The following TMED3 variants were observed in gnomAD, a reference collection of about 807,000 sequenced individuals.
TMED3 encodes transmembrane p24 trafficking protein 3.
TMED3 carries 9 observed loss-of-function variants against 15.0 expected under a neutral mutation model. That is an observed-to-expected ratio of 0.60 (90% CI 0.36 to 1.04). TMED3 has a LOEUF of 1.04. Among genes scored for constraint, TMED3 ranks in the 50% least tolerant of loss-of-function variants. The pLI, the probability that TMED3 is intolerant of heterozygous loss-of-function variation, is 0.01. For missense variants in TMED3, 267 were observed against 278.9 expected, an observed-to-expected ratio of 0.96 and a Z score of 0.30; for synonymous variants, 117 against 121.4, an observed-to-expected ratio of 0.96 and a Z score of 0.24.
chr15:79,340,800 C>G (rs1420891831), intron 2 of TMED3, among the ~76,000 whole-genome samples: 1 of 152,162 alleles, frequency 6.6e-6, no homozygotes, highest in African/African-American at 2.4e-5. Flanking sequence ...CTTCATGTAT[C>G]CATTCACTAA....
chr15:79,359,192 C>T (rs1036018009), intron 2 of TMED3, among the ~76,000 whole-genome samples: 4 of 150,824 alleles, frequency 2.7e-5, no homozygotes, highest in East Asian at 1.9e-4. Context: ...ATTTGCATAC[C>T]AGAGGAGAGG....
chr15:79,371,571 A>T (rs1542983), intron 2 of TMED3, among the ~76,000 whole-genome samples: 35 of 152,174 alleles, frequency 2.3e-4, no homozygotes, highest in Non-Finnish European at 4.0e-4. Context: ...GTTTTTAAGG[A>T]TACTTTGGTG....
rs182198267 is a variant in TMED3 at position 79,358,885 on chromosome 15, G to A, written c.417+44880G>A. ...GGATAGCAGGGACAGGAGAGCCGTGGCCTGGACAGGGTTCCTGATTCCTCC... is the reference window on the plus strand; with the variant it reads ...GGATAGCAGGGACAGGAGAGCCGTGACCTGGACAGGGTTCCTGATTCCTCC... On this transcript the variant is annotated intron_variant, in intron 2 of 2. Transcript: ENST00000424155. 1.7e-3 allele frequency among the ~76,000 whole-genome samples: 255 copies of A among 152,256 alleles called. 4 individuals carry two copies. Among genetic ancestry groups the A allele is most frequent in the African/African-American group, 5.8e-3 (240 of 41,558 alleles).
intron 2 of TMED3, among the ~76,000 whole-genome samples, chr15:79,375,360 C>T (rs906866640): frequency 1.3e-4 from 20 of 152,142 alleles, no homozygotes; most frequent in Non-Finnish European, 1.5e-5. Context: ...CCAGGGACTT[C>T]CTCTGTGATG....
chr15:79,320,926 G>A (rs1241899397), intron 2 of TMED3, among the ~76,000 whole-genome samples: 1 of 152,204 alleles, frequency 6.6e-6, no homozygotes, highest in East Asian at 1.9e-4. Context: ...TGCTCATTCA[G>A]GTTGTTGGTG....
chr15:79,329,997 T>C (rs1166158643), intron 2 of TMED3, among the ~76,000 whole-genome samples: 6 of 152,238 alleles, frequency 3.9e-5, no homozygotes, highest in Admixed American at 3.9e-4. Context: ...AGGATGGCTA[T>C]TTAGAGATGC....
intron 2 of TMED3, among the ~76,000 whole-genome samples, chr15:79,376,941 A>C (rs1365468274): frequency 2.6e-5 from 4 of 152,092 alleles, no homozygotes; most frequent in Non-Finnish European, 5.9e-5. Context: ...TGGCTCCTTC[A>C]GTCAGTGGGA....
chr15:79,323,798 G>A (rs1386699289), downstream of TMED3, among the ~76,000 whole-genome samples: 23 of 152,108 alleles, frequency 1.5e-4, no homozygotes, highest in Admixed American at 1.0e-3. Flanking sequence ...AGGATTGCTG[G>A]TGATACCTGT....
chr15:79,339,510 A>G (rs901214257), intron 2 of TMED3, among the ~76,000 whole-genome samples: 55 of 152,222 alleles, frequency 3.6e-4, no homozygotes, highest in African/African-American at 1.2e-3. Flanking sequence ...AATCTGTTTC[A>G]TTTGCTGTTG....
chr15:79,392,090 G>A (rs1893703795), intron 2 of TMED3, among the ~76,000 whole-genome samples: 1 of 152,156 alleles, frequency 6.6e-6, no homozygotes, highest in African/African-American at 2.4e-5. Context: ...TGCAATGTTA[G>A]TATTGAGATG....
At chr15:79,317,240 C>T (rs527579289) in intron 2 of TMED3, among the ~76,000 whole-genome samples, 1 of 152,338 alleles carries the variant, frequency 6.6e-6, no homozygotes, top group African/African-American at 2.4e-5. Flanking sequence ...TGGCCTGTGT[C>T]GCTGGATCTA....
intron 2 of TMED3, among the ~76,000 whole-genome samples, chr15:79,375,910 T>C (rs1893415901): frequency 6.6e-6 from 1 of 152,154 alleles, no homozygotes. Flanking sequence ...GTCAGACCTG[T>C]TGTCCTGTCA....
At chr15:79,332,978 G>A (rs2058814863) in intron 2 of TMED3, among the ~76,000 whole-genome samples, 1 of 152,226 alleles carries the variant, frequency 6.6e-6, no homozygotes, top group South Asian at 2.1e-4. Context: ...AATGGCCCCT[G>A]ACTGCCCAGT....
At chr15:79,331,790 T>C (rs1467112222) in intron 2 of TMED3, among the ~76,000 whole-genome samples, 1 of 152,118 alleles carries the variant, frequency 6.6e-6, no homozygotes, top group Non-Finnish European at 1.5e-5. Flanking sequence ...CGACAAAATA[T>C]ATGAAAATAT....
intron 1 of TMED3, among the ~76,000 whole-genome samples, chr15:79,311,664 G>A (rs1163111665): frequency 1.3e-5 from 2 of 152,180 alleles, no homozygotes; most frequent in African/African-American, 2.4e-5. Context: ...CCGGGATGGG[G>A]ACGCCAGGGC....
At chr15:79,402,326 G>A (rs559722162) in intron 2 of TMED3, among the ~76,000 whole-genome samples, 6 of 152,324 alleles carry the variant, frequency 3.9e-5, no homozygotes, top group Admixed American at 2.6e-4. Flanking sequence ...GGTTATACAC[G>A]TGTGAGTGAA....
chr15:79,332,314 C>A (rs1288756361), intron 2 of TMED3, among the ~76,000 whole-genome samples: 3 of 152,206 alleles, frequency 2.0e-5, no homozygotes, highest in Non-Finnish European at 4.4e-5. Context: ...GCCCATCAGG[C>A]TCCAAGGGAG....
chr15:79,406,205 A>G (rs1893901177), intron 2 of TMED3, among the ~76,000 whole-genome samples: 1 of 152,202 alleles, frequency 6.6e-6, no homozygotes, highest in African/African-American at 2.4e-5. Flanking sequence ...CAGGAGGCAG[A>G]ATGGATTCTA....
At chr15:79,380,690 G>C (rs188319114) in intron 2 of TMED3, among the ~76,000 whole-genome samples, 2 of 151,458 alleles carry the variant, frequency 1.3e-5, no homozygotes, top group East Asian at 3.9e-4. Flanking sequence ...GCAATATTTG[G>C]GGGATGGAAG....
Sources: allele counts gnomAD v4.1 joint callset (sites outside exome capture counted in the v4.1 genomes callset), GRCh38; gene constraint gnomAD v4.1.1; transcripts MANE v1.5; gene names NCBI Gene and HGNC (gene_info 2026-07-23, HGNC 2026-07-21).